Variants in SLC35D4 observed in about 807,000 individuals in gnomAD.
SLC35D4 encodes the protein UDP-N-acetylglucosamine transporter SLC35D4.
chr18:23,258,310 G>GCTAT, the SLC35D4 span: 4 of 152,646 alleles, frequency 2.6e-5, no homozygotes, highest in African/African-American at 9.6e-5. Context: ...CATTTACTGT[G>GCTAT]CTATCTATAT....
the SLC35D4 span, among the ~76,000 whole-genome samples, chr18:23,284,436 T>C: frequency 5.9e-5 from 9 of 152,354 alleles, no homozygotes; most frequent in Non-Finnish European, 1.3e-4. Context: ...AGCTTAACTC[T>C]TTCAACGGGT....
At chr18:23,335,918 C>T in the SLC35D4 span, among the ~76,000 whole-genome samples, 1 of 152,088 alleles carries the variant, frequency 6.6e-6, no homozygotes, top group African/African-American at 2.4e-5. Flanking sequence ...AGGACATCTC[C>T]CCAGTAAATG....
chr18:23,398,169 A>G, the SLC35D4 span, among the ~76,000 whole-genome samples: 1 of 152,232 alleles, frequency 6.6e-6, no homozygotes, highest in East Asian at 1.9e-4. Context: ...TCAAGTGGTT[A>G]GCAGCTGCCT....
At chr18:23,329,095 T>C in the SLC35D4 span, among the ~76,000 whole-genome samples, 6 of 152,238 alleles carry the variant, frequency 3.9e-5, no homozygotes, top group Admixed American at 1.3e-4. Context: ...CCTAAAACCA[T>C]AAAAACCCTA....
the SLC35D4 span, among the ~76,000 whole-genome samples, chr18:23,382,498 G>A: frequency 1.3e-5 from 2 of 151,870 alleles, no homozygotes; most frequent in Non-Finnish European, 2.9e-5. Flanking sequence ...AAATCATGCT[G>A]TATCTCACTG....
chr18:23,309,800 C>T, the SLC35D4 span: 4 of 1,537,624 alleles, frequency 2.6e-6, no homozygotes, highest in Middle Eastern at 1.7e-4. Context: ...TGGAAACCTC[C>T]AATGTCATTT....
the SLC35D4 span, among the ~76,000 whole-genome samples, chr18:23,402,080 C>T: frequency 5.3e-5 from 8 of 152,312 alleles, no homozygotes; most frequent in South Asian, 1.5e-3. Context: ...GCAACACACA[C>T]TCATGGCACT....
At chr18:23,375,177 TAATA>T in the SLC35D4 span, among the ~76,000 whole-genome samples, 3 of 151,490 alleles carry the variant, frequency 2.0e-5, no homozygotes, top group African/African-American at 7.3e-5. Flanking sequence ...TGTGGCCAGA[TAATA>T]AGTGGCAACA....
At chr18:23,373,824 A>G in the SLC35D4 span, 1 of 1,574,746 alleles carries the variant, frequency 6.4e-7, no homozygotes, top group East Asian at 2.3e-5. Flanking sequence ...TTTCCCTAAG[A>G]GCGTGGAGGT....
At chr18:23,252,728 G>A in the SLC35D4 span, among the ~76,000 whole-genome samples, 2 of 152,148 alleles carry the variant, frequency 1.3e-5, no homozygotes, top group Non-Finnish European at 2.9e-5. Flanking sequence ...CTACAGGCCG[G>A]CTTTCCTAAG....
the SLC35D4 span, chr18:23,259,770 C>G: frequency 2.0e-5 from 3 of 152,244 alleles, no homozygotes; most frequent in African/African-American, 7.2e-5. Flanking sequence ...GAAGTCTGAG[C>G]CTGTGAAGCG....
At chr18:23,376,685 A>C in the SLC35D4 span, 1 of 433,766 alleles carries the variant, frequency 2.3e-6, no homozygotes, top group Non-Finnish European at 4.6e-6. Flanking sequence ...GCTTTATAGA[A>C]TAGAGGATGC....
At chr18:23,280,366 C>T in the SLC35D4 span, among the ~76,000 whole-genome samples, 41 of 152,318 alleles carry the variant, frequency 2.7e-4, no homozygotes, top group African/African-American at 9.6e-4. Flanking sequence ...AGGCTGAGGC[C>T]GGCAGCTGTC....
At chr18:23,286,172 C>T in the SLC35D4 span, among the ~76,000 whole-genome samples, 1 of 152,214 alleles carries the variant, frequency 6.6e-6, no homozygotes, top group Non-Finnish European at 1.5e-5. Context: ...GGCAGCCAAA[C>T]AGAAACATAT....
chr18:23,335,942 T>C, the SLC35D4 span, among the ~76,000 whole-genome samples: 1 of 152,104 alleles, frequency 6.6e-6, no homozygotes, highest in Admixed American at 6.5e-5. Flanking sequence ...AAATGATAAA[T>C]GAGCGAATTC....
the SLC35D4 span, among the ~76,000 whole-genome samples, chr18:23,270,813 C>T: frequency 1.3e-5 from 2 of 152,214 alleles, no homozygotes; most frequent in African/African-American, 4.8e-5. Flanking sequence ...TCTGTCTAGG[C>T]AGTGGGCAAG....
the SLC35D4 span, among the ~76,000 whole-genome samples, chr18:23,437,158 C>T: frequency 6.6e-6 from 1 of 152,214 alleles, no homozygotes; most frequent in Non-Finnish European, 1.5e-5. Flanking sequence ...AACAAAACCC[C>T]AAAGCTGGCA....
the SLC35D4 span, among the ~76,000 whole-genome samples, chr18:23,335,521 C>T: frequency 6.6e-6 from 1 of 152,168 alleles, no homozygotes; most frequent in Non-Finnish European, 1.5e-5. Flanking sequence ...TAGGGATACA[C>T]ACAGAGGGTC....
the SLC35D4 span, among the ~76,000 whole-genome samples, chr18:23,316,766 G>A: frequency 6.6e-6 from 1 of 152,174 alleles, no homozygotes; most frequent in Non-Finnish European, 1.5e-5. Flanking sequence ...ATCAACAAGA[G>A]AATTAAACTA....
Sources: allele counts gnomAD v4.1 joint callset (sites outside exome capture counted in the v4.1 genomes callset), GRCh38; gene constraint gnomAD v4.1.1; transcripts MANE v1.5; gene names NCBI Gene and HGNC (gene_info 2026-07-23, HGNC 2026-07-21).